Variants in MINDY4 observed in about 807,000 individuals in gnomAD.
MINDY4 encodes probable ubiquitin carboxyl-terminal hydrolase MINDY-4.
Under a neutral mutation model 87.0 loss-of-function variants are expected in MINDY4, and 68 were observed. That is an observed-to-expected ratio of 0.78 (90% CI 0.64 to 0.96). MINDY4 has a LOEUF of 0.96. Among genes scored for constraint, MINDY4 ranks in the 40% least tolerant of loss-of-function variants. The pLI, the probability that MINDY4 is intolerant of heterozygous loss-of-function variation, is 0.00. For missense variants in MINDY4, 919 were observed against 928.2 expected (o/e 0.99, Z 0.13); for synonymous variants, 379 against 363.2 (o/e 1.04, Z -0.50).
At chr7:30,809,814 A>G (rs1234535317) in intron 5 of MINDY4, among the ~76,000 whole-genome samples, 1 of 152,024 alleles carries the variant, frequency 6.6e-6, no homozygotes, top group African/African-American at 2.4e-5. Context: ...AAAGGGGGGC[A>G]GAATTTATGT....
intron 12 of MINDY4, 55 bp downstream of exon 12, chr7:30,853,514 A>C: frequency 7.0e-7 from 1 of 1,421,086 alleles, no homozygotes; most frequent in Admixed American, 1.8e-5. Flanking sequence ...TTCTGATTTC[A>C]CTGTGGGAAC....
intron 9 of MINDY4, among the ~76,000 whole-genome samples, chr7:30,843,036 C>T (rs976414858): frequency 5.9e-5 from 9 of 152,128 alleles, no homozygotes; most frequent in Admixed American, 1.3e-4. Flanking sequence ...CCACATCTGC[C>T]GCCACCTACT....
intron 6 of MINDY4, among the ~76,000 whole-genome samples, chr7:30,829,336 C>T (rs748721919): frequency 1.6e-4 from 24 of 152,166 alleles, no homozygotes; most frequent in Admixed American, 3.9e-4. Flanking sequence ...CATGCATTTG[C>T]AGGGTTTTGC....
At chr7:30,875,817 G>A (rs1469448882) in intron 15 of MINDY4, among the ~76,000 whole-genome samples, 161 bp downstream of exon 15, 1 of 152,212 alleles carries the variant, frequency 6.6e-6, no homozygotes, top group Non-Finnish European at 1.5e-5. Context: ...CAGCTTCTCT[G>A]CTGTGGCTAC....
chr7:30,866,263 G>C (rs1399323328), intron 13 of MINDY4, among the ~76,000 whole-genome samples: 3 of 152,206 alleles, frequency 2.0e-5, no homozygotes, highest in Non-Finnish European at 4.4e-5. Context: ...GTTCATGCAG[G>C]GCCAGGTGCG....
chr7:30,825,498 G>T (rs1242611108), intron 5 of MINDY4, among the ~76,000 whole-genome samples: 4 of 152,216 alleles, frequency 2.6e-5, no homozygotes, highest in African/African-American at 9.6e-5. Flanking sequence ...AACCACTTGG[G>T]AGATTTGGCC....
chr7:30,812,818 TG>T (rs1788043907), intron 5 of MINDY4, among the ~76,000 whole-genome samples: 1 of 152,232 alleles, frequency 6.6e-6, no homozygotes, highest in Non-Finnish European at 1.5e-5. Context: ...GCCTTCTGGT[TG>T]TTTTGTCAAA....
chr7:30,846,883 C>T (rs1191174987), intron 9 of MINDY4, among the ~76,000 whole-genome samples: 3 of 152,160 alleles, frequency 2.0e-5, no homozygotes, highest in Non-Finnish European at 2.9e-5. Flanking sequence ...CCTGCCCCCA[C>T]GAGAGTCTTA....
intron 17 of MINDY4, among the ~76,000 whole-genome samples, chr7:30,884,698 G>A (rs1050127937): frequency 6.6e-6 from 1 of 152,206 alleles, no homozygotes; most frequent in African/African-American, 2.4e-5. Flanking sequence ...TGCCTCTTCT[G>A]GAGTAACTCC....
At chr7:30,831,419 A>T (rs1584288494) in intron 6 of MINDY4, among the ~76,000 whole-genome samples, 2 of 152,148 alleles carry the variant, frequency 1.3e-5, no homozygotes, top group Admixed American at 1.3e-4. Flanking sequence ...CTAGTCCATC[A>T]TGGGTGCTAA....
chr7:30,883,093 G>A, intron 17 of MINDY4, 100 bp downstream of exon 17: 1 of 1,101,704 alleles, frequency 9.1e-7, no homozygotes, highest in Non-Finnish European at 1.3e-6. Context: ...ATAGGTTCCT[G>A]GACCACCCTG....
chr7:30,826,524 A>G (rs567095365), intron 5 of MINDY4, among the ~76,000 whole-genome samples: 5 of 152,236 alleles, frequency 3.3e-5, no homozygotes, highest in Non-Finnish European at 5.9e-5. Context: ...TGAGACGTTC[A>G]GCTTGGAGGA....
At chr7:30,838,798 G>T (rs2034268127) in intron 7 of MINDY4, among the ~76,000 whole-genome samples, 2 of 152,152 alleles carry the variant, frequency 1.3e-5, no homozygotes, top group Admixed American at 1.3e-4. Flanking sequence ...CATCAAGATT[G>T]TTTTTAGGAA....
At chr7:30,796,029 C>G (rs1014379646) in intron 5 of MINDY4, among the ~76,000 whole-genome samples, 1 of 152,102 alleles carries the variant, frequency 6.6e-6, no homozygotes, top group Non-Finnish European at 1.5e-5. Context: ...CGAACACATT[C>G]AGGGGGTCTG....
At chr7:30,819,091 C>T (rs1788246284) in intron 5 of MINDY4, among the ~76,000 whole-genome samples, 1 of 152,014 alleles carries the variant, frequency 6.6e-6, no homozygotes, top group East Asian at 1.9e-4. Flanking sequence ...TTTCCTCCTT[C>T]CTACTCTCTT....
intron 4 of MINDY4, among the ~76,000 whole-genome samples, chr7:30,789,444 T>C (rs1787252304): frequency 6.6e-6 from 1 of 152,220 alleles, no homozygotes; most frequent in Admixed American, 6.5e-5. Flanking sequence ...CCGTACTTAT[T>C]GGTTGCTCAG....
intron 14 of MINDY4, among the ~76,000 whole-genome samples, chr7:30,873,023 C>T (rs953923885): frequency 3.3e-5 from 5 of 152,238 alleles, no homozygotes; most frequent in African/African-American, 1.2e-4. Flanking sequence ...CTGGACAGAG[C>T]TGCACATCTT....
In MINDY4 at chr7:30,781,971, T is replaced by C; in HGVS notation, c.184-6T>C. 6.2e-7 allele frequency: 1 copy of C among 1,605,090 alleles called. No individual in the cohort carries two copies. The highest frequency in any genetic ancestry group is 2.2e-5 in the East Asian group (1 of 44,800). On this transcript the variant is annotated splice_polypyrimidine_tract_variant and splice_region_variant and intron_variant, in intron 2 of 17. Transcript: ENST00000265299. The stretch of plus-strand genomic sequence containing the variant: ...TTAATGATTTTTTTTTCTCTCCCAA[T>C]GATAGGCAAAGGAAAATCCTCTAAA...
intron 5 of MINDY4, among the ~76,000 whole-genome samples, chr7:30,811,769 C>T (rs1315161280): frequency 6.6e-6 from 1 of 152,138 alleles, no homozygotes; most frequent in African/African-American, 2.4e-5. Flanking sequence ...GTATATGCAG[C>T]CCCCAGTCAC....
Sources: gnomAD v4.1 joint callset for allele counts (sites outside exome capture counted in the v4.1 genomes callset) on GRCh38, gnomAD v4.1.1 for gene constraint, MANE v1.5 for transcripts, NCBI Gene and HGNC (gene_info 2026-07-23, HGNC 2026-07-21) for gene names.